Variants in MGAT4C observed in about 807,000 individuals in gnomAD.
The protein encoded by MGAT4C is alpha-1,3-mannosyl-glycoprotein 4-beta-N-acetylglucosaminyltransferase C.
MGAT4C carries 19 observed loss-of-function variants against 40.1 expected under a neutral mutation model. That is an observed-to-expected ratio of 0.47 (90% CI 0.33 to 0.70). The LOEUF is 0.70. Ranked by LOEUF, MGAT4C falls within the 30% of genes least tolerant of loss-of-function variation. MGAT4C has a pLI of 0.02. For missense variants in MGAT4C, 491 were observed against 563.2 expected (o/e 0.87, Z 1.30); for synonymous variants, 181 against 187.1 (o/e 0.97, Z 0.27).
At chr12:86,294,761 T>C (rs1953619463) in intron 4 of MGAT4C, among the ~76,000 whole-genome samples, 2 of 152,210 alleles carry the variant, frequency 1.3e-5, no homozygotes, top group Admixed American at 6.5e-5. Flanking sequence ...ATCAGCAGAC[T>C]ATTTGGTTCC....
At position 86,390,467 on chromosome 12, in the gene MGAT4C, C is replaced by A. The variant is rs185310479; in HGVS notation, c.-120+44690G>T. On this transcript the variant is annotated intron_variant, in intron 3 of 7. Transcript: ENST00000548651. ...TTTATGGAAAATAAATAAGTCATAG[C>A]AGAAATACTTTATATGATATTTAAA... Among the ~76,000 whole-genome samples, 510 of 152,042 alleles carry A rather than the reference C, an allele frequency of 3.4e-3. 2 individuals are homozygous for A. Among genetic ancestry groups the A allele is most frequent in the Middle Eastern group, 0.031 (9 of 294 alleles).
At chr12:86,377,325 C>T (rs891182082) in intron 3 of MGAT4C, among the ~76,000 whole-genome samples, 29 of 152,126 alleles carry the variant, frequency 1.9e-4, no homozygotes, top group African/African-American at 6.8e-4. Flanking sequence ...TCCCAAAGTG[C>T]TGGGATTACA....
chr12:86,131,743 G>GC (rs1940340333), intron 1 of MGAT4C, among the ~76,000 whole-genome samples: 1 of 150,704 alleles, frequency 6.6e-6, no homozygotes, highest in African/African-American at 2.4e-5. Context: ...ATAAAAACTG[G>GC]TTTTTTTTTC....
rs111735592 is a variant in MGAT4C at position 86,504,824 on chromosome 12, C to A, written c.-228-69559G>T. Among the ~76,000 whole-genome samples, 499 of 152,216 alleles carry A rather than the reference C, an allele frequency of 3.3e-3. 1 individual carries two copies. The highest frequency in any genetic ancestry group is 0.012 in the African/African-American group (482 of 41,564). On this transcript the variant is annotated intron_variant, in intron 2 of 7. Coordinates refer to the MGAT4C transcript ENST00000548651. ...GCCTCAGCCTCCTGAGTAGCTGAGA[C>A]TACAGGTGCTCATGTTGGTGCTCAA...
At chr12:86,674,086 C>A (rs1469731211) in intron 2 of MGAT4C, among the ~76,000 whole-genome samples, 1 of 151,924 alleles carries the variant, frequency 6.6e-6, no homozygotes. Context: ...AATTTTGAGA[C>A]AATTAAACAA....
Position 85,973,094 on chromosome 12 carries a change from C to T in MGAT4C, c.*6195G>A, listed in dbSNP as rs147668050. 2.1e-3 allele frequency: 318 copies of T among 149,566 alleles called. 2 individuals carry two copies. The highest frequency in any genetic ancestry group is 7.1e-3 in the African/African-American group (294 of 41,270). 9.3% of individuals were successfully genotyped at this position (149,566 alleles called of 1,614,324 possible). A position where few individuals can be genotyped will look rare whatever the true frequency, so the allele number is the denominator to read the frequency against. ...TGTCTAGTTTCTAATAGAGTTAGAG[C>T]TTTGTTGATTGAGATATGTGGAACT... is the stretch of plus-strand genomic sequence containing the variant. On this transcript the variant is annotated 3_prime_UTR_variant, in exon 5 of 5. Coordinates refer to ENST00000611864, the MANE Select transcript of MGAT4C (RefSeq NM_001351288.2).
chr12:86,308,137 A>C (rs1235651648), intron 4 of MGAT4C, among the ~76,000 whole-genome samples: 1 of 150,758 alleles, frequency 6.6e-6, no homozygotes, highest in African/African-American at 2.5e-5. Flanking sequence ...ATTTGAAAAC[A>C]TCAATTATGT....
intron 2 of MGAT4C, among the ~76,000 whole-genome samples, chr12:86,604,898 C>A (rs992765646): frequency 2.6e-5 from 4 of 152,162 alleles, no homozygotes; most frequent in Non-Finnish European, 5.9e-5. Flanking sequence ...TGTACCATGT[C>A]TCTTCTCAAC....
Position 86,043,318 on chromosome 12 carries a change from A to C in MGAT4C, c.-7+6356T>G, listed in dbSNP as rs530879873. ...AAGTCAGTCCAAGTCCAAAACCTCA[A>C]AAGTAGGAAAACTAACAGTGCAGCC... is the stretch of plus-strand genomic sequence containing the variant. On this transcript the variant is annotated intron_variant, in intron 2 of 4. Coordinates refer to ENST00000611864, the MANE Select transcript of MGAT4C (RefSeq NM_001351288.2). Among the ~76,000 whole-genome samples the C allele has an allele frequency of 5.3e-5, 8 of 152,308 alleles. No individual in the cohort carries two copies. In the South Asian group the frequency reaches 1.5e-3, roughly 28 times the overall value.
chr12:86,442,174 C>A (rs1392673396), intron 2 of MGAT4C, among the ~76,000 whole-genome samples: 3 of 152,106 alleles, frequency 2.0e-5, no homozygotes, highest in Non-Finnish European at 4.4e-5. Flanking sequence ...ATCCTTTGCC[C>A]ACTTTTTGAT....
chr12:86,515,955 A>T (rs1240504179), intron 2 of MGAT4C, among the ~76,000 whole-genome samples: 1 of 152,016 alleles, frequency 6.6e-6, no homozygotes, highest in Non-Finnish European at 1.5e-5. Context: ...CATGTTAGCC[A>T]GGATGTTCTC....
At chr12:86,485,768 C>T (rs1431336262) in intron 2 of MGAT4C, among the ~76,000 whole-genome samples, 1 of 152,040 alleles carries the variant, frequency 6.6e-6, no homozygotes, top group Non-Finnish European at 1.5e-5. Flanking sequence ...CTCCAAGACA[C>T]ATAATCATCA....
At chr12:86,617,505 G>A (rs1249910805) in intron 2 of MGAT4C, among the ~76,000 whole-genome samples, 2 of 151,952 alleles carry the variant, frequency 1.3e-5, no homozygotes, top group East Asian at 1.9e-4. Flanking sequence ...TGGCTAACAC[G>A]GTGAAACCCC....
At chr12:86,793,949 A>G (rs1349823099) in intron 1 of MGAT4C, among the ~76,000 whole-genome samples, 1 of 151,964 alleles carries the variant, frequency 6.6e-6, no homozygotes, top group East Asian at 1.9e-4. Flanking sequence ...AAATAAATAA[A>G]TAGGCCAAGA....
chr12:86,641,336 A>G (rs2136520899), intron 2 of MGAT4C, among the ~76,000 whole-genome samples: 1 of 149,548 alleles, frequency 6.7e-6, no homozygotes, highest in African/African-American at 2.5e-5. Context: ...ACATGGACAC[A>G]GGAAGGGGAA....
intron 1 of MGAT4C, among the ~76,000 whole-genome samples, chr12:86,159,966 C>T (rs1239545717): frequency 2.0e-5 from 3 of 151,922 alleles, no homozygotes; most frequent in African/African-American, 7.2e-5. Context: ...GCATATCAAT[C>T]TTATTTATTT....
Position 85,985,069 on chromosome 12 carries a change from C to A in MGAT4C, c.148-1399G>T, listed in dbSNP as rs555510100. On this transcript the variant is annotated intron_variant, in intron 3 of 4. Coordinates refer to ENST00000611864, the MANE Select transcript of MGAT4C (RefSeq NM_001351288.2). Reference sequence around the variant, plus strand: ...TGCTGGGATTATAGGTGTGAGCCAGCACACCTGGCCTTATGTGGATTTATT... The same window carrying A: ...TGCTGGGATTATAGGTGTGAGCCAGAACACCTGGCCTTATGTGGATTTATT... Among the ~76,000 whole-genome samples the A allele has an allele frequency of 2.6e-5, 4 of 152,294 alleles. No homozygotes were observed. In the East Asian group the frequency reaches 5.8e-4, roughly 22 times the overall value.
At chr12:86,417,696 T>A (rs552615321) in intron 3 of MGAT4C, among the ~76,000 whole-genome samples, 133 of 152,224 alleles carry the variant, frequency 8.7e-4, no homozygotes, top group Non-Finnish European at 1.4e-3. Flanking sequence ...TAGGCAGTAT[T>A]TGCAATATGA....
chr12:86,057,012 T>A (rs1893470316), intron 1 of MGAT4C, among the ~76,000 whole-genome samples: 1 of 152,088 alleles, frequency 6.6e-6, no homozygotes, highest in Non-Finnish European at 1.5e-5. Context: ...TTTCCTTGAT[T>A]TTAAAATCAA....
Sources: gnomAD v4.1 joint callset for allele counts (sites outside exome capture counted in the v4.1 genomes callset) on GRCh38, gnomAD v4.1.1 for gene constraint, MANE v1.5 for transcripts, NCBI Gene and HGNC (gene_info 2026-07-23, HGNC 2026-07-21) for gene names.